The following ROBO2 variants were observed in gnomAD, a reference collection of about 807,000 sequenced individuals.
ROBO2 encodes the protein roundabout guidance receptor 2, also known as roundabout homolog 2.
In ROBO2, 53 loss-of-function variants were observed where a neutral mutation model predicts 160.8. That is an observed-to-expected ratio of 0.33 (90% CI 0.26 to 0.41). The LOEUF (loss-of-function observed/expected upper bound fraction) is 0.41. Ranked by LOEUF, ROBO2 falls within the 10% of genes least tolerant of loss-of-function variation. ROBO2 has a pLI of 1.00. For missense variants in ROBO2, 1,577 were observed against 1,722.4 expected, an observed-to-expected ratio of 0.92 and a Z score of 1.49; for synonymous variants, 664 against 611.7, an observed-to-expected ratio of 1.09 and a Z score of -1.26.
At chr3:76,876,965 T>C (rs1055001815) in intron 2 of ROBO2, among the ~76,000 whole-genome samples, 1 of 152,112 alleles carries the variant, frequency 6.6e-6, no homozygotes, top group Non-Finnish European at 1.5e-5. Context: ...GATACTATCA[T>C]TTTTAAGACA....
chr3:77,648,807 C>G (rs375907593), exon 26 of ROBO2: 7 of 152,040 alleles, frequency 4.6e-5, no homozygotes, highest in African/African-American at 1.7e-4. Context: ...ATAGCCGATT[C>G]AATGAATATG....
intron 2 of ROBO2, among the ~76,000 whole-genome samples, chr3:76,278,539 C>T (rs1402114481): frequency 4.6e-5 from 7 of 151,968 alleles, no homozygotes; most frequent in Middle Eastern, 3.4e-3. Flanking sequence ...GACAAAGGAA[C>T]GGAAGCTTTT....
intron 2 of ROBO2, among the ~76,000 whole-genome samples, chr3:77,143,275 A>T (rs1311731513): frequency 7.1e-6 from 1 of 140,904 alleles, no homozygotes; most frequent in Non-Finnish European, 1.5e-5. Flanking sequence ...GCTCGCTGCA[A>T]CCTCTGCCTC....
chr3:77,586,466 C>G (rs181480498), intron 16 of ROBO2, among the ~76,000 whole-genome samples: 1 of 152,032 alleles, frequency 6.6e-6, no homozygotes, highest in Non-Finnish European at 1.5e-5. Flanking sequence ...TCATTACTCT[C>G]CAATGGGATG....
At chr3:77,116,025 C>T (rs1000533467) in intron 2 of ROBO2, among the ~76,000 whole-genome samples, 6 of 152,166 alleles carry the variant, frequency 3.9e-5, no homozygotes, top group Non-Finnish European at 8.8e-5. Flanking sequence ...TGTGAATAAA[C>T]AAGTTCAAGA....
At chr3:77,543,097 G>A (rs75048178) in intron 6 of ROBO2, among the ~76,000 whole-genome samples, 16,714 of 151,978 alleles carry the variant, frequency 0.11, 1,122 homozygotes, top group South Asian at 0.14. Context: ...CGCCTAGTCA[G>A]CTCTTAGTTG....
intron 2 of ROBO2, among the ~76,000 whole-genome samples, chr3:76,743,333 A>G (rs1312780747): frequency 6.6e-6 from 1 of 152,122 alleles, no homozygotes; most frequent in Non-Finnish European, 1.5e-5. Context: ...TAAAAATGTA[A>G]TGAAATCAAG....
chr3:75,922,841 C>T (rs983759677), intron 1 of ROBO2, among the ~76,000 whole-genome samples: 1 of 152,134 alleles, frequency 6.6e-6, no homozygotes, highest in Non-Finnish European at 1.5e-5. Context: ...GGAAAACTGA[C>T]ATTTCCATAA....
chr3:77,546,247 A>G, intron 6 of ROBO2, 91 bp from the exon 8 acceptor site: 1 of 1,380,308 alleles, frequency 7.2e-7, no homozygotes, highest in Non-Finnish European at 1.0e-6. Context: ...TCTGGCACTG[A>G]ACAGTCAACA....
At position 77,565,027 on chromosome 3, in the gene ROBO2, C is replaced by A. The variant is rs753772733; in HGVS notation, c.1756C>A (p.Arg586=). ...CACCCTCTATACTGTAAGAGGACTG[C>A]GGCCCAATACAATCTACTTATTCAT... The change falls in exon 12 of 26, where the codon CGG becomes AGG. Residue 586 remains arginine (R), a synonymous_variant. Coordinates refer to ENST00000461745, the Ensembl canonical transcript of ROBO2. The A allele has an allele frequency of 5.0e-6, 8 of 1,613,486 alleles. No individual in the cohort carries two copies. In the Admixed American group the frequency reaches 1.2e-4, roughly 24 times the overall value.
At chr3:77,317,057 T>A in intron 2 of ROBO2, 2 of 1,479,570 alleles carry the variant, frequency 1.4e-6, no homozygotes, top group Non-Finnish European at 1.9e-6. Flanking sequence ...TCATTCACAG[T>A]AGTGTGAAGC....
chr3:76,410,236 AT>A (rs1410134416), intron 2 of ROBO2, among the ~76,000 whole-genome samples: 2 of 152,070 alleles, frequency 1.3e-5, no homozygotes, highest in Non-Finnish European at 2.9e-5. Flanking sequence ...GTTCTTTGTG[AT>A]TTTTTTAGAT....
chr3:76,574,424 A>C (rs2085156782), intron 2 of ROBO2, among the ~76,000 whole-genome samples: 1 of 152,262 alleles, frequency 6.6e-6, no homozygotes, highest in African/African-American at 2.4e-5. Context: ...TGAATCACAT[A>C]AAAACTTTCA....
At chr3:76,905,424 T>C (rs771387997) in intron 2 of ROBO2, among the ~76,000 whole-genome samples, 9 of 152,118 alleles carry the variant, frequency 5.9e-5, no homozygotes, top group Non-Finnish European at 8.8e-5. Context: ...CTTGAAAAAA[T>C]ATATATTTTT....
intron 2 of ROBO2, among the ~76,000 whole-genome samples, chr3:76,442,549 T>G (rs527537393): frequency 6.6e-6 from 1 of 152,284 alleles, no homozygotes; most frequent in South Asian, 2.1e-4. Context: ...TGGTTCCCCT[T>G]TATTCACGGT....
intron 2 of ROBO2, among the ~76,000 whole-genome samples, chr3:77,467,215 G>T (rs987790695): frequency 6.6e-6 from 1 of 152,048 alleles, no homozygotes; most frequent in Non-Finnish European, 1.5e-5. Flanking sequence ...TATATACTTA[G>T]ATATATTTTA....
intron 2 of ROBO2, among the ~76,000 whole-genome samples, chr3:76,762,410 T>C (rs1233058058): frequency 6.6e-6 from 1 of 150,830 alleles, no homozygotes; most frequent in Non-Finnish European, 1.5e-5. Context: ...TGTTCTTTAA[T>C]TGCTTTTGTT....
At chr3:77,031,533 C>T (rs2063323829) in intron 2 of ROBO2, among the ~76,000 whole-genome samples, 1 of 143,050 alleles carries the variant, frequency 7.0e-6, no homozygotes, top group African/African-American at 2.5e-5. Context: ...ATAATATATT[C>T]ATTTGTATAT....
intron 2 of ROBO2, among the ~76,000 whole-genome samples, chr3:76,618,045 C>T (rs530355163): frequency 2.4e-4 from 37 of 151,640 alleles, no homozygotes; most frequent in Middle Eastern, 3.4e-3. Context: ...GCAAAATGAC[C>T]CTCAAAGACA....
Sources: allele counts gnomAD v4.1 joint callset (sites outside exome capture counted in the v4.1 genomes callset), GRCh38; gene constraint gnomAD v4.1.1; transcripts MANE v1.5; gene names NCBI Gene and HGNC (gene_info 2026-07-23, HGNC 2026-07-21).